Variants in ABLIM2 observed in about 807,000 individuals in gnomAD.
ABLIM2 encodes actin binding LIM protein family member 2.
A neutral mutation model predicts 97.7 loss-of-function variants in ABLIM2; 53 were observed. The observed-to-expected ratio is 0.54, with a 90% CI of 0.44 to 0.68. The LOEUF (loss-of-function observed/expected upper bound fraction) is 0.68. ABLIM2 is among the 30% of genes least tolerant of loss of function. The pLI, the probability that ABLIM2 is intolerant of heterozygous loss-of-function variation, is 0.00. For synonymous variants in ABLIM2, 361 were observed against 345.8 expected (o/e 1.04, Z -0.49); for missense variants, 835 against 867.2 (o/e 0.96, Z 0.47).
intron 8 of ABLIM2, among the ~76,000 whole-genome samples, chr4:8,049,539 T>C (rs1438275507): frequency 1.3e-5 from 2 of 152,266 alleles, no homozygotes; most frequent in African/African-American, 4.8e-5. Flanking sequence ...CCGCCTCCCT[T>C]TGGAATTCAG....
chr4:7,996,351 C>T lies in ABLIM2; in HGVS notation c.1619-3424G>A, dbSNP rs1578203300. ...TGGTGTCCTGCACCCCTCTTAAGCCCGAAGGCCTCTACCTGCCTGCCCCTG... is the reference window on the plus strand; with the variant it reads ...TGGTGTCCTGCACCCCTCTTAAGCCTGAAGGCCTCTACCTGCCTGCCCCTG... On this transcript the variant is annotated intron_variant, in intron 16 of 20. Coordinates refer to ENST00000447017, the MANE Select transcript of ABLIM2 (RefSeq NM_001130083.2). The surrounding 1 kb of genome is among the most constrained non-coding windows in gnomAD (Gnocchi z 4.5). Among the ~76,000 whole-genome samples, 2 of 152,186 alleles carry T rather than the reference C, an allele frequency of 1.3e-5. No homozygotes were observed. Among genetic ancestry groups the T allele is most frequent in the East Asian group, 3.9e-4 (2 of 5,188 alleles).
intron 8 of ABLIM2, among the ~76,000 whole-genome samples, chr4:8,051,562 C>CAAAAAAAA (rs36056609): frequency 9.3e-6 from 1 of 107,898 alleles, no homozygotes. Context: ...GATTCCATCT[C>CAAAAAAAA]AAAAAAAAAA....
chr4:8,091,329 AT>A (rs1217551594), intron 3 of ABLIM2, among the ~76,000 whole-genome samples: 1 of 20,812 alleles, frequency 4.8e-5, no homozygotes, highest in South Asian at 7.4e-4. Context: ...TTATATATAT[AT>A]TATATATATA....
At chr4:7,982,426 T>C (rs1231144741) in intron 20 of ABLIM2, among the ~76,000 whole-genome samples, 1 of 152,244 alleles carries the variant, frequency 6.6e-6, no homozygotes, top group Non-Finnish European at 1.5e-5. Context: ...ACCCCCGGGC[T>C]GGATGCTGGG....
chr4:8,091,317 A>AC (rs1827392192), intron 3 of ABLIM2, among the ~76,000 whole-genome samples: 1 of 30,276 alleles, frequency 3.3e-5, no homozygotes, highest in Non-Finnish European at 5.4e-5. Context: ...ATATATATAT[A>AC]ATTATATATA....
intron 20 of ABLIM2, among the ~76,000 whole-genome samples, chr4:7,975,592 C>T (rs926108686): frequency 1.3e-5 from 2 of 152,218 alleles, no homozygotes; most frequent in African/African-American, 4.8e-5. Flanking sequence ...TCCGCTCCAT[C>T]CCCCTTGAAA....
intron 12 of ABLIM2, 145 bp from the exon 13 acceptor site, chr4:8,020,448 G>A: frequency 1.3e-6 from 1 of 760,266 alleles, no homozygotes; most frequent in Non-Finnish European, 2.3e-6. Flanking sequence ...AGGGGAAGGA[G>A]TGTGGGCCTC....
In ABLIM2 at chr4:8,155,646, A is replaced by C. The variant is rs1298817806; in HGVS notation, c.10+3034T>G. 2.0e-5 allele frequency among the ~76,000 whole-genome samples: 3 copies of C among 152,204 alleles called. No individual in the cohort carries two copies. The highest frequency in any genetic ancestry group is 4.4e-5 in the Non-Finnish European group (3 of 68,036). On this transcript the variant is annotated intron_variant, in intron 1 of 20. Coordinates refer to ENST00000447017, the MANE Select transcript of ABLIM2 (RefSeq NM_001130083.2). This position sits in a 1 kb window ranked among gnomAD's most constrained non-coding sequence, Gnocchi z 4.2. ...CTCCAGGATGTGACTATGCATGGAG[A>C]CAGGACCTTTAAGGAGACCACTAAG...
chr4:8,127,785 C>T lies in ABLIM2; in HGVS notation c.11-21148G>A, dbSNP rs2152925528. On this transcript the variant is annotated intron_variant, in intron 1 of 20. Transcript: ENST00000447017. This position sits in a 1 kb window ranked among gnomAD's most constrained non-coding sequence, Gnocchi z 7.3. ...CACACTGAAATAGACTCCCGCCACA[C>T]TATGCGCCAGAGACACACCTGTCTC... The T allele has an allele frequency of 1.1e-6, 1 of 911,910 alleles. No individual in the cohort carries two copies. The highest frequency in any genetic ancestry group is 1.8e-5 in the African/African-American group (1 of 55,694). 56.5% of individuals were successfully genotyped at this position (911,910 alleles called of 1,614,324 possible).
intron 2 of ABLIM2, 41 bp downstream of exon 2, chr4:8,106,453 C>A: frequency 1.3e-6 from 2 of 1,568,480 alleles, no homozygotes; most frequent in East Asian, 2.4e-5. Flanking sequence ...CTGGGAGGCC[C>A]GTTTCAGGGG....
At chr4:8,097,639 A>G (rs1832397101) in intron 2 of ABLIM2, among the ~76,000 whole-genome samples, 1 of 152,036 alleles carries the variant, frequency 6.6e-6, no homozygotes. Context: ...GCTGTCCTCC[A>G]GTGGGCTGTT....
rs543987881 is a variant in ABLIM2 at position 8,003,334 on chromosome 4, C to T, written c.1618+4725G>A. On this transcript the variant is annotated intron_variant, in intron 16 of 20. Coordinates refer to ENST00000447017, the MANE Select transcript of ABLIM2 (RefSeq NM_001130083.2). This position sits in a 1 kb window ranked among gnomAD's most constrained non-coding sequence, Gnocchi z 4.2. The stretch of plus-strand genomic sequence containing the variant: ...GCCTGGTGCATCATAGAGGGCTGGC[C>T]GTCTCATGTCATTCGCTGAATGCTG... Among the ~76,000 whole-genome samples, 6 of 152,270 alleles carry T rather than the reference C, an allele frequency of 3.9e-5. No individual in the cohort carries two copies. Among genetic ancestry groups the T allele is most frequent in the East Asian group, 1.9e-4 (1 of 5,178 alleles).
chr4:7,974,188 TATCC>T (rs1372147938), intron 20 of ABLIM2, among the ~76,000 whole-genome samples: 1 of 151,926 alleles, frequency 6.6e-6, no homozygotes, highest in Non-Finnish European at 1.5e-5. Flanking sequence ...TCTATCTATC[TATCC>T]ATCCATCCAT....
chr4:8,145,114 G>A (rs1286784002), intron 1 of ABLIM2, among the ~76,000 whole-genome samples: 1 of 152,126 alleles, frequency 6.6e-6, no homozygotes, highest in African/African-American at 2.4e-5. Flanking sequence ...GGGCTTTGTG[G>A]TGTCGGAGAT....
chr4:8,024,828 G>C (rs1325613712), intron 12 of ABLIM2, among the ~76,000 whole-genome samples: 4 of 152,250 alleles, frequency 2.6e-5, no homozygotes, highest in African/African-American at 9.6e-5. Flanking sequence ...TGTTCCCAAG[G>C]TTACGGACAG....
intron 1 of ABLIM2, among the ~76,000 whole-genome samples, chr4:8,116,386 TG>T (rs1460367298): frequency 6.6e-6 from 1 of 152,192 alleles, no homozygotes; most frequent in Non-Finnish European, 1.5e-5. Context: ...AACCCAAGGC[TG>T]GCCACCTCCT....
At chr4:8,108,825 C>G (rs1372147071) in intron 1 of ABLIM2, among the ~76,000 whole-genome samples, 2 of 152,246 alleles carry the variant, frequency 1.3e-5, no homozygotes. Context: ...TCCACTTGTC[C>G]TCACGTCTTC....
At chr4:8,007,811 G>A in intron 16 of ABLIM2, 1 of 1,310,366 alleles carries the variant, frequency 7.6e-7, no homozygotes, top group Admixed American at 3.4e-5. Flanking sequence ...GCACACCTTG[G>A]AAATCTGTGA....
At position 8,125,321 on chromosome 4, in the gene ABLIM2, C is replaced by A. The variant is rs1847370683; in HGVS notation, c.11-18684G>T. Among the ~76,000 whole-genome samples, 1 of 152,188 alleles carries A rather than the reference C, an allele frequency of 6.6e-6. No homozygotes were observed. The highest frequency in any genetic ancestry group is 2.4e-5 in the African/African-American group (1 of 41,462). On this transcript the variant is annotated intron_variant, in intron 1 of 20. Transcript: ENST00000447017. This position sits in a 1 kb window ranked among gnomAD's most constrained non-coding sequence, Gnocchi z 6.2. ...TCATGAAGATGCGCTTCTGAGTGTT[C>A]TTCTAAGAGATTTACGGGTTTTTTG... is the stretch of plus-strand genomic sequence containing the variant.
Sources: gnomAD v4.1 joint callset for allele counts (sites outside exome capture counted in the v4.1 genomes callset) on GRCh38, gnomAD v4.1.1 for gene constraint, Gnocchi (gnomAD v3.1) non-coding constraint, MANE v1.5 for transcripts, NCBI Gene and HGNC (gene_info 2026-07-23, HGNC 2026-07-21) for gene names.